Variants in KHDRBS3 observed in about 807,000 individuals in gnomAD.
The protein encoded by KHDRBS3 is KH domain-containing, RNA-binding, signal transduction-associated protein 3.
A neutral mutation model predicts 45.6 loss-of-function variants in KHDRBS3; 23 were observed. The ratio of observed to expected loss-of-function variants is 0.50; its 90% CI spans 0.36 to 0.72. KHDRBS3 has a LOEUF of 0.72. Among genes scored for constraint, KHDRBS3 ranks in the 30% least tolerant of loss-of-function variants. The pLI, the probability that KHDRBS3 is intolerant of heterozygous loss-of-function variation, is 0.00. For missense variants in KHDRBS3, 352 were observed against 424.8 expected, an observed-to-expected ratio of 0.83 and a Z score of 1.51; for synonymous variants, 162 against 156.5, an observed-to-expected ratio of 1.04 and a Z score of -0.26.
intron 1 of KHDRBS3, among the ~76,000 whole-genome samples, chr8:135,517,554 AAAATT>A (rs1824675195): frequency 6.6e-6 from 1 of 152,242 alleles, no homozygotes; most frequent in African/African-American, 2.4e-5. Flanking sequence ...ATTTCAAAAA[AAAATT>A]AAGCTACTTA....
downstream of KHDRBS3, among the ~76,000 whole-genome samples, chr8:135,650,193 C>T (rs1831400741): frequency 1.3e-5 from 2 of 152,128 alleles, no homozygotes; most frequent in South Asian, 4.1e-4. Flanking sequence ...ACATGGAACC[C>T]GGTATTCAAA....
At chr8:135,613,106 CT>C (rs1471359923) in intron 7 of KHDRBS3, among the ~76,000 whole-genome samples, 2 of 151,738 alleles carry the variant, frequency 1.3e-5, no homozygotes, top group African/African-American at 4.9e-5. Flanking sequence ...AAAGCGGCCC[CT>C]CATATTCCTA....
Position 135,647,163 on chromosome 8 carries a change from A to G in KHDRBS3, c.*79A>G, listed in dbSNP as rs1013475416. The G allele has an allele frequency of 1.2e-5, 7 of 563,732 alleles. No homozygotes were observed. Among genetic ancestry groups the G allele is most frequent in the Middle Eastern group, 2.7e-4 (1 of 3,720 alleles). 34.9% of individuals were successfully genotyped at this position (563,732 alleles called of 1,614,324 possible). A position where few individuals can be genotyped will look rare whatever the true frequency, so the allele number is the denominator to read the frequency against. ...TCAAAGTAATTTTTTTCTATGAACA[A>G]TCCCTTTTTAAATAAATCAGAATGC... On this transcript the variant is annotated 3_prime_UTR_variant, in exon 9 of 9. Transcript: ENST00000355849.
At chr8:135,490,353 C>T (rs2130410205) in intron 1 of KHDRBS3, among the ~76,000 whole-genome samples, 1 of 152,296 alleles carries the variant, frequency 6.6e-6, no homozygotes. Context: ...AGTTCCTGGT[C>T]ATCAGCCTAA....
chr8:135,549,756 G>A (rs1826492949), intron 4 of KHDRBS3: 1 of 152,154 alleles, frequency 6.6e-6, no homozygotes, highest in Non-Finnish European at 1.5e-5. Context: ...TAGTTTGGTG[G>A]ATTGACTTAC....
chr8:135,646,110 C>T (rs1426513235), intron 8 of KHDRBS3, among the ~76,000 whole-genome samples: 2 of 144,364 alleles, frequency 1.4e-5, no homozygotes, highest in Non-Finnish European at 3.0e-5. Context: ...GAGGGAGTGA[C>T]GTTGATTGCA....
At chr8:135,525,854 T>G (rs1410327628) in intron 2 of KHDRBS3, among the ~76,000 whole-genome samples, 2 of 152,176 alleles carry the variant, frequency 1.3e-5, no homozygotes. Flanking sequence ...AACCTGAAAC[T>G]AATACTTTGT....
At chr8:135,550,720 A>G (rs932002963) in intron 4 of KHDRBS3, among the ~76,000 whole-genome samples, 3 of 151,678 alleles carry the variant, frequency 2.0e-5, no homozygotes, top group African/African-American at 4.8e-5. Context: ...TAGCATTTTC[A>G]TATGTGTTTT....
chr8:135,564,437 C>T (rs1262495778), intron 5 of KHDRBS3, among the ~76,000 whole-genome samples: 1 of 152,112 alleles, frequency 6.6e-6, no homozygotes, highest in African/African-American at 2.4e-5. Context: ...ATTTTTCAAA[C>T]AGCTGCAATG....
chr8:135,645,124 G>A lies in KHDRBS3; in HGVS notation c.949+7G>A. On this transcript the variant is annotated splice_region_variant and intron_variant, in intron 8 of 8. Coordinates refer to ENST00000355849, the MANE Select transcript of KHDRBS3 (RefSeq NM_006558.3). Reference sequence around the variant, plus strand: ...GAGACTTATGATTCCTACGGTGAGTGACTGGCCAGAGCATGTGAAGAGAGG... The same window carrying A: ...GAGACTTATGATTCCTACGGTGAGTAACTGGCCAGAGCATGTGAAGAGAGG... 6.2e-7 allele frequency: 1 copy of A among 1,613,442 alleles called. No homozygotes were observed. Among genetic ancestry groups the A allele is most frequent in the South Asian group, 1.1e-5 (1 of 91,062 alleles).
At chr8:135,553,115 A>T (rs1467743642) in intron 4 of KHDRBS3, among the ~76,000 whole-genome samples, 1 of 152,062 alleles carries the variant, frequency 6.6e-6, no homozygotes, top group Non-Finnish European at 1.5e-5. Context: ...TCATTTTCTG[A>T]ATTATCTGTC....
At position 135,542,751 on chromosome 8, in the gene KHDRBS3, C is replaced by T; in HGVS notation, c.305C>T (p.Ser102Phe). Residue 102 changes from serine (S) to phenylalanine (F), a missense_variant, in exon 3 of 9, where the codon TCC (serine) becomes TTC (phenylalanine). This residue lies in a region of KHDRBS3 where 15 missense variants were observed against 30.2 expected (regional missense o/e 0.50). Transcript: ENST00000355849. ...AAAATGTCCATCCTTGGGAAAGGTT[C>T]CATGAGAGACAAGGCCAAGGTAATA... ...LTKMSILGKG[S>F]MRDKAKEEEL... 6.2e-7 allele frequency: 1 copy of T among 1,610,082 alleles called. No homozygotes were observed. Among genetic ancestry groups the T allele is most frequent in the Non-Finnish European group, 8.5e-7 (1 of 1,176,448 alleles).
downstream of KHDRBS3, among the ~76,000 whole-genome samples, chr8:135,648,284 A>G (rs1489721912): frequency 1.3e-5 from 2 of 152,208 alleles, no homozygotes; most frequent in African/African-American, 4.8e-5. Flanking sequence ...AGTAATCTAA[A>G]AAGCCTTAGT....
intron 7 of KHDRBS3, among the ~76,000 whole-genome samples, chr8:135,615,801 C>T (rs1200818585): frequency 1.3e-5 from 2 of 152,064 alleles, no homozygotes; most frequent in Non-Finnish European, 2.9e-5. Context: ...TGAGAGTTGT[C>T]CCTGAATGGC....
intron 1 of KHDRBS3, among the ~76,000 whole-genome samples, chr8:135,466,179 A>G (rs1394470848): frequency 6.6e-6 from 1 of 152,184 alleles, no homozygotes; most frequent in Non-Finnish European, 1.5e-5. Context: ...TTGATCTCTT[A>G]AGAGGCATAC....
intron 5 of KHDRBS3, among the ~76,000 whole-genome samples, chr8:135,576,159 C>T (rs945981722): frequency 6.6e-6 from 1 of 152,182 alleles, no homozygotes; most frequent in African/African-American, 2.4e-5. Flanking sequence ...ATCAAGTATA[C>T]GTACTGTCCA....
At chr8:135,622,349 G>A (rs181074414) in intron 7 of KHDRBS3, among the ~76,000 whole-genome samples, 58 of 152,168 alleles carry the variant, frequency 3.8e-4, no homozygotes, top group Admixed American at 1.7e-3. Flanking sequence ...TATAAGTGTC[G>A]TAGTTTAAAT....
downstream of KHDRBS3, chr8:135,647,825 A>G (rs928935548): frequency 2.0e-5 from 3 of 152,228 alleles, no homozygotes; most frequent in Admixed American, 1.3e-4. Flanking sequence ...TCCAAATGGT[A>G]TCGAGCTGCT....
At chr8:135,472,054 G>C (rs1187960234) in intron 1 of KHDRBS3, among the ~76,000 whole-genome samples, 16 of 152,204 alleles carry the variant, frequency 1.1e-4, no homozygotes, top group Admixed American at 1.0e-3. Context: ...CTTCCTCATT[G>C]TGGATGACAG....
Sources: allele counts gnomAD v4.1 joint callset (sites outside exome capture counted in the v4.1 genomes callset), GRCh38; gene constraint gnomAD v4.1.1; regional missense constraint gnomAD v4.1.1; transcripts MANE v1.5; gene names NCBI Gene and HGNC (gene_info 2026-07-23, HGNC 2026-07-21).